Variants in CCNH observed in about 807,000 individuals in gnomAD.
CCNH encodes cyclin H.
CCNH carries 31 observed loss-of-function variants against 41.9 expected under a neutral mutation model. That is an observed-to-expected ratio of 0.74 (90% CI 0.56 to 1.00). The LOEUF is 1.00. Ranked by LOEUF, CCNH falls within the 50% of genes least tolerant of loss-of-function variation. The probability of loss-of-function intolerance (pLI) is 0.00; values close to 1 mark genes in which losing one functional copy is unlikely to be tolerated. For synonymous variants in CCNH, 138 were observed against 136.1 expected (o/e 1.01, Z -0.10); for missense variants, 362 against 388.4 (o/e 0.93, Z 0.57).
intron 1 of CCNH, 36 bp downstream of exon 1, chr5:87,412,642 G>T: frequency 1.2e-6 from 2 of 1,610,186 alleles, no homozygotes; most frequent in South Asian, 2.2e-5. Flanking sequence ...AGAATTTAGT[G>T]ACCGGGCAAC....
intron 9 of CCNH, among the ~76,000 whole-genome samples, chr5:87,344,768 C>A (rs943870794): frequency 2.6e-5 from 4 of 151,236 alleles, no homozygotes; most frequent in African/African-American, 9.7e-5. Context: ...ATCCTCCCAC[C>A]TTGGCCTTCC....
At chr5:87,390,781 C>T (rs1454542039), downstream of CCNH, 4 of 1,593,082 alleles carry the variant, frequency 2.5e-6, no homozygotes, top group Admixed American at 3.3e-5. Context: ...TATTTTCATA[C>T]CATTTTTCCT....
At chr5:87,386,234 T>TTA (rs1762053174) in intron 9 of CCNH, among the ~76,000 whole-genome samples, 1 of 152,058 alleles carries the variant, frequency 6.6e-6, no homozygotes, top group East Asian at 1.9e-4. Flanking sequence ...ATTGAGTTTC[T>TTA]TACTGATTTT....
downstream of CCNH, chr5:87,374,395 G>C (rs538595604): frequency 9.7e-6 from 13 of 1,335,948 alleles, no homozygotes; most frequent in South Asian, 1.6e-4. Flanking sequence ...TTTGGTCTCT[G>C]TATCTAAACC....
downstream of CCNH, chr5:87,391,735 A>G (rs182603054): frequency 1.2e-4 from 27 of 232,762 alleles, no homozygotes; most frequent in Non-Finnish European, 2.2e-4. Flanking sequence ...TATTTGTGCT[A>G]CCCCTTTGAT....
At chr5:87,323,120 C>T (rs945356797) in intron 9 of CCNH, among the ~76,000 whole-genome samples, 2 of 152,062 alleles carry the variant, frequency 1.3e-5, no homozygotes, top group African/African-American at 4.8e-5. Flanking sequence ...ATTTCCATGA[C>T]TGTGAATAAA....
At chr5:87,391,657 A>G (rs930136896), downstream of CCNH, 6 of 232,982 alleles carry the variant, frequency 2.6e-5, no homozygotes, top group African/African-American at 1.3e-4. Flanking sequence ...TACCCATTCA[A>G]CCATTTTATA....
intron 9 of CCNH, chr5:87,331,641 C>T: frequency 1.0e-6 from 1 of 997,938 alleles, no homozygotes; most frequent in Non-Finnish European, 1.5e-6. Context: ...ATGATTTAAT[C>T]AGTGATTTAG....
downstream of CCNH, chr5:87,393,332 C>T (rs535935104): frequency 8.5e-5 from 13 of 152,192 alleles, no homozygotes; most frequent in South Asian, 2.1e-4. Context: ...GGTAAACAGA[C>T]GTCCACAGTT....
intron 9 of CCNH, among the ~76,000 whole-genome samples, chr5:87,368,525 A>G (rs559423042): frequency 2.0e-5 from 3 of 152,262 alleles, no homozygotes; most frequent in African/African-American, 7.2e-5. Context: ...TATGGAAACT[A>G]ATGTTATTGC....
intron 9 of CCNH, among the ~76,000 whole-genome samples, chr5:87,320,987 G>A (rs1756753253): frequency 6.6e-6 from 1 of 152,208 alleles, no homozygotes; most frequent in Non-Finnish European, 1.5e-5. Context: ...TTATTGAATA[G>A]CAATTTGTAC....
chr5:87,331,345 T>A (rs1272357294), intron 9 of CCNH: 2 of 1,599,966 alleles, frequency 1.3e-6, no homozygotes, highest in Non-Finnish European at 1.7e-6. Context: ...GTTTTTCCCC[T>A]AGGTGGTATC....
chr5:87,407,879 A>G lies in CCNH; in HGVS notation c.525+97T>C, dbSNP rs1179669793. 3 of 901,086 alleles carry G rather than the reference A, an allele frequency of 3.3e-6. No individual in the cohort carries two copies. In the African/African-American group the frequency reaches 5.0e-5, roughly 15 times the overall value. The allele number at this position is 901,086 out of a possible 1,614,324, so 55.8% of individuals were successfully genotyped here. A position where few individuals can be genotyped will look rare whatever the true frequency, so the allele number is the denominator to read the frequency against. ...GACCCACAGGTTGTATCCATGCTAT[A>G]ACAACGAGGATGATTATGAGTTTTA... On this transcript the variant is annotated intron_variant, in intron 4 of 8. Transcript: ENST00000256897.
At chr5:87,381,352 C>G (rs906367082), upstream of CCNH, among the ~76,000 whole-genome samples, 6 of 152,164 alleles carry the variant, frequency 3.9e-5, no homozygotes, top group African/African-American at 1.4e-4. Context: ...TTTTGTTAAG[C>G]ATACTCCAAC....
At position 87,412,664 on chromosome 5, in the gene CCNH, T is replaced by G; in HGVS notation, c.117+14A>C. On this transcript the variant is annotated intron_variant, in intron 1 of 8. Transcript: ENST00000256897. Reference sequence around the variant, plus strand: ...AGTGACCGGGCAACTGGGCAACCGTTGGGAAAACCTCACCTTCCCGTTGGC... The same window carrying G: ...AGTGACCGGGCAACTGGGCAACCGTGGGGAAAACCTCACCTTCCCGTTGGC... 1 of 1,613,452 alleles carries G rather than the reference T, an allele frequency of 6.2e-7. No homozygotes were observed. The highest frequency in any genetic ancestry group is 8.5e-7 in the Non-Finnish European group (1 of 1,179,584).
At chr5:87,350,911 T>C (rs1759216894) in intron 9 of CCNH, among the ~76,000 whole-genome samples, 1 of 151,724 alleles carries the variant, frequency 6.6e-6, no homozygotes, top group South Asian at 2.1e-4. Flanking sequence ...GATTTTGTAA[T>C]TGTTTTGGAA....
intron 9 of CCNH, among the ~76,000 whole-genome samples, chr5:87,322,356 C>T (rs755226371): frequency 1.3e-5 from 2 of 152,158 alleles, no homozygotes; most frequent in African/African-American, 2.4e-5. Context: ...GAACTCCTCA[C>T]GTGAGGGATA....
intron 5 of CCNH, among the ~76,000 whole-genome samples, chr5:87,402,853 T>C (rs1296647219): frequency 6.6e-6 from 1 of 152,206 alleles, no homozygotes; most frequent in Admixed American, 6.5e-5. Context: ...TTCTTAAGCA[T>C]AAGGGTCATA....
chr5:87,370,424 G>T (rs1163087818), intron 9 of CCNH, among the ~76,000 whole-genome samples: 1 of 152,154 alleles, frequency 6.6e-6, no homozygotes, highest in Non-Finnish European at 1.5e-5. Flanking sequence ...TTAAGTAATT[G>T]TGTGAAGAAA....
Sources: gnomAD v4.1 joint callset for allele counts (sites outside exome capture counted in the v4.1 genomes callset) on GRCh38, gnomAD v4.1.1 for gene constraint, MANE v1.5 for transcripts, NCBI Gene and HGNC (gene_info 2026-07-23, HGNC 2026-07-21) for gene names.